Variants in EPHA6 observed in about 807,000 individuals in gnomAD.
The protein encoded by EPHA6 is EPH receptor A6.
Under a neutral mutation model 112.0 loss-of-function variants are expected in EPHA6, and 50 were observed. The observed-to-expected ratio is 0.45, with a 90% confidence interval of 0.36 to 0.56. EPHA6 has a LOEUF of 0.56. Ranked by LOEUF, EPHA6 falls within the 20% of genes least tolerant of loss-of-function variation. The probability of loss-of-function intolerance (pLI) is 0.00; values close to 1 mark genes in which losing one functional copy is unlikely to be tolerated. For synonymous variants in EPHA6, 529 were observed against 490.7 expected (o/e 1.08, Z -1.03); for missense variants, 1,280 against 1,417.4 (o/e 0.90, Z 1.56).
At chr3:96,868,621 A>G (rs2036461272) in intron 2 of EPHA6, among the ~76,000 whole-genome samples, 1 of 152,002 alleles carries the variant, frequency 6.6e-6, no homozygotes, top group African/African-American at 2.4e-5. Context: ...ACACTTTTAC[A>G]TAGACACTAA....
chr3:97,050,861 G>T (rs938951783), intron 3 of EPHA6, among the ~76,000 whole-genome samples: 2 of 152,078 alleles, frequency 1.3e-5, no homozygotes, highest in African/African-American at 2.4e-5. Flanking sequence ...CTATATTTCA[G>T]GCTGATTATT....
At chr3:97,611,112 G>A (rs1032546977) in intron 13 of EPHA6, among the ~76,000 whole-genome samples, 1 of 151,670 alleles carries the variant, frequency 6.6e-6, no homozygotes, top group African/African-American at 2.4e-5. Flanking sequence ...ATGTGTGTGT[G>A]TGTATACCAA....
At chr3:97,069,517 T>C (rs923256691) in intron 3 of EPHA6, among the ~76,000 whole-genome samples, 1 of 152,118 alleles carries the variant, frequency 6.6e-6, no homozygotes, top group Non-Finnish European at 1.5e-5. Context: ...AGATAAGTCA[T>C]TACAATTCAA....
At chr3:97,398,923 A>G (rs2109096704) in intron 5 of EPHA6, among the ~76,000 whole-genome samples, 1 of 151,662 alleles carries the variant, frequency 6.6e-6, no homozygotes, top group South Asian at 2.1e-4. Context: ...TAATTAACAT[A>G]TACATCCCCT....
At chr3:96,966,156 T>G (rs2042115039) in intron 2 of EPHA6, among the ~76,000 whole-genome samples, 1 of 152,148 alleles carries the variant, frequency 6.6e-6, no homozygotes, top group Non-Finnish European at 1.5e-5. Flanking sequence ...ACTGAGTTTT[T>G]AAAAAATGTT....
chr3:97,328,054 C>CACACACATATATAT (rs372533674), intron 5 of EPHA6, among the ~76,000 whole-genome samples: 1 of 120,914 alleles, frequency 8.3e-6, no homozygotes, highest in African/African-American at 3.9e-5. Context: ...CATATATACA[C>CACACACATATATAT]ATATATATAT....
chr3:97,298,628 A>G (rs1225570580), intron 5 of EPHA6, among the ~76,000 whole-genome samples: 2 of 152,188 alleles, frequency 1.3e-5, no homozygotes, highest in African/African-American at 2.4e-5. Flanking sequence ...TACCAAATAT[A>G]TAAGACAGAA....
At chr3:97,228,935 G>A (rs752122961) in intron 4 of EPHA6, among the ~76,000 whole-genome samples, 1 of 151,966 alleles carries the variant, frequency 6.6e-6, no homozygotes, top group Non-Finnish European at 1.5e-5. Flanking sequence ...AGGTGGTATC[G>A]CATTGTGGTT....
chr3:97,670,949 G>A (rs1202114556), intron 14 of EPHA6, among the ~76,000 whole-genome samples: 1 of 152,120 alleles, frequency 6.6e-6, no homozygotes, highest in East Asian at 1.9e-4. Context: ...GCTGTGGAAT[G>A]GCTAAGGACC....
Position 97,456,688 on chromosome 3 carries a change from A to G in EPHA6, c.1894+7958A>G, listed in dbSNP as rs567354689. ...GAGATAATATATGGTCTCTGTCCTC[A>G]GGAAGCTTATCACTAACCCACACTA... On this transcript the variant is annotated intron_variant, in intron 7 of 17. Coordinates refer to ENST00000389672, the MANE Select transcript of EPHA6 (RefSeq NM_001080448.3). 4.6e-5 allele frequency among the ~76,000 whole-genome samples: 7 copies of G among 152,296 alleles called. No individual in the cohort carries two copies. In the South Asian group the frequency reaches 1.4e-3, roughly 32 times the overall value.
At chr3:97,061,866 G>T (rs938825721) in intron 3 of EPHA6, among the ~76,000 whole-genome samples, 2 of 152,112 alleles carry the variant, frequency 1.3e-5, no homozygotes, top group African/African-American at 4.8e-5. Flanking sequence ...ACATAAAAAG[G>T]CATACTATTT....
Position 97,748,761 on chromosome 3 carries a change from C to G in EPHA6, c.*60C>G. On this transcript the variant is annotated 3_prime_UTR_variant, in exon 18 of 18. Coordinates refer to ENST00000389672, the MANE Select transcript of EPHA6 (RefSeq NM_001080448.3). ...ATTTCTAAAATGAACGATATCCTCT[C>G]TACTACTCTCTCTTCTGATTCTCCA... 1.2e-6 allele frequency: 1 copy of G among 845,678 alleles called. No homozygotes were observed. Among genetic ancestry groups the G allele is most frequent in the South Asian group, 1.4e-5 (1 of 70,772 alleles). The allele number at this position is 845,678 out of a possible 1,614,324, so 52.4% of individuals were successfully genotyped here.
intron 2 of EPHA6, among the ~76,000 whole-genome samples, chr3:96,958,662 G>T (rs1407164992): frequency 6.6e-6 from 1 of 152,024 alleles, no homozygotes; most frequent in Non-Finnish European, 1.5e-5. Flanking sequence ...TAGACAAACG[G>T]TAATCTACTT....
intron 14 of EPHA6, among the ~76,000 whole-genome samples, chr3:97,663,525 C>G (rs1364265245): frequency 6.7e-6 from 1 of 148,266 alleles, no homozygotes. Flanking sequence ...TGATGTTCCC[C>G]TTCCTCTATC....
At position 97,404,323 on chromosome 3, in the gene EPHA6, T is replaced by G. The variant is rs183190404; in HGVS notation, c.1607-827T>G. ...CCAACAGTGTCTTACCAAATTTTTG[T>G]ACTTTTTTTGTGCCAATCTGTTACG... On this transcript the variant is annotated intron_variant, in intron 5 of 17. Coordinates refer to ENST00000389672, the MANE Select transcript of EPHA6 (RefSeq NM_001080448.3). Among the ~76,000 whole-genome samples, 382 of 152,322 alleles carry G rather than the reference T, an allele frequency of 2.5e-3. 3 individuals carry two copies. Among genetic ancestry groups the G allele is most frequent in the African/African-American group, 8.3e-3 (345 of 41,600 alleles).
intron 11 of EPHA6, among the ~76,000 whole-genome samples, chr3:97,547,008 G>T (rs982336822): frequency 1.3e-5 from 2 of 152,002 alleles, no homozygotes; most frequent in Non-Finnish European, 2.9e-5. Flanking sequence ...CCATTGGTTC[G>T]AATTTCATCC....
At chr3:96,819,262 C>G (rs1263513784) in intron 1 of EPHA6, among the ~76,000 whole-genome samples, 1 of 151,978 alleles carries the variant, frequency 6.6e-6, no homozygotes, top group Non-Finnish European at 1.5e-5. Flanking sequence ...AAATTACATC[C>G]TTTTACTTTT....
intron 6 of EPHA6, among the ~76,000 whole-genome samples, chr3:97,442,024 A>G (rs534985145): frequency 6.6e-6 from 1 of 152,316 alleles, no homozygotes; most frequent in East Asian, 1.9e-4. Context: ...CTAGAGTAGA[A>G]TAAGATTTTC....
chr3:96,972,424 A>AACACACACACACACAC (rs3070424), intron 2 of EPHA6, among the ~76,000 whole-genome samples: 1 of 144,756 alleles, frequency 6.9e-6, no homozygotes, highest in African/African-American at 2.5e-5. Flanking sequence ...CACACACACA[A>AACACACACACACACAC]ACACACACAC....
Sources: allele counts gnomAD v4.1 joint callset (sites outside exome capture counted in the v4.1 genomes callset), GRCh38; gene constraint gnomAD v4.1.1; transcripts MANE v1.5; gene names NCBI Gene and HGNC (gene_info 2026-07-23, HGNC 2026-07-21).